Variants in PLCH2 observed in about 807,000 individuals in gnomAD.
PLCH2 encodes phospholipase C eta 2.
A neutral mutation model predicts 134.7 loss-of-function variants in PLCH2; 98 were observed. The ratio of observed to expected loss-of-function variants is 0.73; its 90% CI spans 0.62 to 0.86. The LOEUF (loss-of-function observed/expected upper bound fraction) is 0.86. Among genes scored for constraint, PLCH2 ranks in the 40% least tolerant of loss-of-function variants. The probability of loss-of-function intolerance (pLI) is 0.00; values close to 1 mark genes in which losing one functional copy is unlikely to be tolerated. For missense variants in PLCH2, 1,994 were observed against 1,986.6 expected (o/e 1.00, Z -0.07); for synonymous variants, 974 against 827.5 (o/e 1.18, Z -3.04).
chr1:2,497,871 A>C, intron 16 of PLCH2: 1 of 451,376 alleles, frequency 2.2e-6, no homozygotes, highest in Non-Finnish European at 4.0e-6. Flanking sequence ...TGGGCCCCAC[A>C]TGAGATTCAT....
chr1:2,473,228 T>A (rs116518624), upstream of PLCH2, among the ~76,000 whole-genome samples: 1 of 152,204 alleles, frequency 6.6e-6, no homozygotes, highest in Non-Finnish European at 1.5e-5. Flanking sequence ...ACTGAGGCAC[T>A]GAGACAGGGA....
upstream of PLCH2, among the ~76,000 whole-genome samples, chr1:2,473,127 G>T (rs931633305): frequency 6.6e-6 from 1 of 152,084 alleles, no homozygotes; most frequent in Non-Finnish European, 1.5e-5. Context: ...CTGACAGCGC[G>T]CGCTCTTCCT....
intron 13 of PLCH2, 93 bp from the exon 14 acceptor site, chr1:2,496,514 T>C (rs1642893638): frequency 2.9e-6 from 3 of 1,041,256 alleles, no homozygotes; most frequent in East Asian, 5.2e-5. Context: ...CGTGAATTAA[T>C]GAGGCTGCCC....
At chr1:2,473,794 G>A (rs1641464063), upstream of PLCH2, among the ~76,000 whole-genome samples, 1 of 152,230 alleles carries the variant, frequency 6.6e-6, no homozygotes. Context: ...CAGCAGGTGA[G>A]CCAGGGCCCT....
chr1:2,437,040 T>C (rs1639455814), intron 2 of PLCH2, among the ~76,000 whole-genome samples: 1 of 152,144 alleles, frequency 6.6e-6, no homozygotes, highest in Non-Finnish European at 1.5e-5. Context: ...CCTCCCACAG[T>C]CCCCAGCCCA....
At chr1:2,472,437 G>C (rs927247128), upstream of PLCH2, among the ~76,000 whole-genome samples, 2 of 152,206 alleles carry the variant, frequency 1.3e-5, no homozygotes, top group African/African-American at 2.4e-5. Context: ...CTGGGGCTGC[G>C]AGGGGCAGGG....
chr1:2,452,409 G>T (rs771802235), intron 2 of PLCH2, among the ~76,000 whole-genome samples: 19 of 152,192 alleles, frequency 1.2e-4, no homozygotes, highest in Non-Finnish European at 2.6e-4. Context: ...TATCTGGTGG[G>T]GATGGGAGCC....
In PLCH2 at chr1:2,505,143, C is replaced by A; in HGVS notation, c.4181C>A (p.Pro1394Gln). 1 of 1,560,306 alleles carries A rather than the reference C, an allele frequency of 6.4e-7. No homozygotes were observed. The highest frequency in any genetic ancestry group is 8.6e-7 in the Non-Finnish European group (1 of 1,162,656). Residue 1394 changes from proline (P) to glutamine (Q), a missense_variant, in exon 22 of 22, where the codon CCA (proline) becomes CAA (glutamine). This residue lies in a region of PLCH2 where 900 missense variants were observed against 752.3 expected (regional missense o/e 1.20). Transcript: ENST00000378486. Reference sequence around the variant, plus strand: ...GGCCACGAGGGCAGTGTGGATGCACCAGCACCCTCCAAGGGAGCCCTCGGG... The same window carrying A: ...GGCCACGAGGGCAGTGTGGATGCACAAGCACCCTCCAAGGGAGCCCTCGGG... ...SVGHEGSVDA[P>Q]APSKGALGPA...
At chr1:2,445,156 G>A (rs1639883039) in intron 2 of PLCH2, among the ~76,000 whole-genome samples, 1 of 152,138 alleles carries the variant, frequency 6.6e-6, no homozygotes, top group African/African-American at 2.4e-5. Context: ...CTGCCCTAGG[G>A]GAGGGTCTGG....
intron 2 of PLCH2, 46 bp downstream of exon 2, chr1:2,478,668 G>A (rs1323650483): frequency 5.1e-6 from 8 of 1,556,562 alleles, no homozygotes; most frequent in Admixed American, 1.9e-5. Context: ...TCCCTGGGGG[G>A]ACACGACGGT....
rs751333302 is a variant in PLCH2 at position 2,479,851 on chromosome 1, G to C, written c.389G>C (p.Arg130Pro). ...CCFSIYHGSH[R>P]ESLDLVSTSS... ...TTCAGCATCTACCACGGCAGCCACC[G>C]CGAGTCGCTGGACCTGGTCTCCACC... The change falls in exon 3 of 22, where the codon CGC (arginine) becomes CCC (proline). Residue 130 changes from arginine to proline, a missense_variant. Arg to Pro is a moderately radical substitution (Grantham distance 103, BLOSUM62 -2). This residue lies in a region of PLCH2 where 1,094 missense variants were observed against 1,234.3 expected (regional missense o/e 0.89). Transcript: ENST00000378486. The C allele has an allele frequency of 2.2e-5, 36 of 1,610,650 alleles. 1 individual carries two copies. Among genetic ancestry groups the C allele is most frequent in the Non-Finnish European group, 2.7e-5 (32 of 1,179,124 alleles).
chr1:2,430,528 C>G (rs1201056448), exon 2 of PLCH2: 1 of 152,242 alleles, frequency 6.6e-6, no homozygotes, highest in Admixed American at 6.5e-5. Context: ...ATGGCTCCCC[C>G]GACAGCCGGC....
At chr1:2,495,652 C>A in intron 13 of PLCH2, 82 bp downstream of exon 13, 1 of 953,716 alleles carries the variant, frequency 1.0e-6, no homozygotes, top group Non-Finnish European at 1.6e-6. Context: ...GTGACCCCAC[C>A]AGGACCATCC....
At chr1:2,450,672 GCCTACCCCCCT>G in intron 2 of PLCH2, among the ~76,000 whole-genome samples, 1 of 23,448 alleles carries the variant, frequency 4.3e-5, no homozygotes, top group East Asian at 1.5e-3. Context: ...CCTGCTCCCC[GCCTACCCCCCT>G]CTCCCCGCCT....
At chr1:2,426,440 G>A (rs951423720) in intron 1 of PLCH2, among the ~76,000 whole-genome samples, 2 of 152,268 alleles carry the variant, frequency 1.3e-5, no homozygotes, top group Non-Finnish European at 2.9e-5. Flanking sequence ...CAAAGTCCCT[G>A]GTTCGGGGCT....
intron 13 of PLCH2, among the ~76,000 whole-genome samples, chr1:2,496,238 AGG>A (rs1642876144): frequency 6.6e-6 from 1 of 152,144 alleles, no homozygotes; most frequent in African/African-American, 2.4e-5. Flanking sequence ...GCCGACACGG[AGG>A]CCCCCTTGGA....
At chr1:2,503,652 G>A (rs1643362425) in intron 21 of PLCH2, 2 of 695,378 alleles carry the variant, frequency 2.9e-6, no homozygotes, top group South Asian at 1.5e-5. Context: ...AGGTAACGGG[G>A]CCCAGCCCCG....
intron 2 of PLCH2, among the ~76,000 whole-genome samples, chr1:2,446,848 G>A (rs1056446400): frequency 1.1e-4 from 17 of 152,212 alleles, no homozygotes; most frequent in Admixed American, 1.1e-3. Flanking sequence ...CCAGGGCTGG[G>A]CTGAGTCTGG....
At position 2,455,893 on chromosome 1, in the gene PLCH2, G is replaced by A. The variant is rs1021361892; in HGVS notation, c.116-22583G>A. Among the ~76,000 whole-genome samples, 13 of 152,352 alleles carry A rather than the reference G, an allele frequency of 8.5e-5. No homozygotes were observed. The East Asian group carries it at 1.3e-3, about 16-fold the overall frequency. On this transcript the variant is annotated intron_variant, in intron 2 of 3. Coordinates refer to the PLCH2 transcript ENST00000609981. ...CCGTGGGTGGAGGTGAGCATCCCGCGGGCGGGCTGTGTGCGTGTGTGTGCC... is the reference window on the plus strand; with the variant it reads ...CCGTGGGTGGAGGTGAGCATCCCGCAGGCGGGCTGTGTGCGTGTGTGTGCC...
Sources: gnomAD v4.1 joint callset for allele counts (sites outside exome capture counted in the v4.1 genomes callset) on GRCh38, gnomAD v4.1.1 for gene constraint, gnomAD v4.1.1 regional missense constraint, MANE v1.5 for transcripts, NCBI Gene and HGNC (gene_info 2026-07-23, HGNC 2026-07-21) for gene names.